Variants in TXNRD1 observed in about 807,000 individuals in gnomAD.
The protein encoded by TXNRD1 is thioredoxin reductase 1.
Under a neutral mutation model 80.3 loss-of-function variants are expected in TXNRD1, and 57 were observed. The ratio of observed to expected loss-of-function variants is 0.71; its 90% CI spans 0.57 to 0.89. TXNRD1 has a LOEUF of 0.89. Ranked by LOEUF, TXNRD1 falls within the 40% of genes least tolerant of loss-of-function variation. The pLI, the probability that TXNRD1 is intolerant of heterozygous loss-of-function variation, is 0.00. For synonymous variants in TXNRD1, 291 were observed against 285.2 expected, an observed-to-expected ratio of 1.02 and a Z score of -0.20; for missense variants, 730 against 803.0, an observed-to-expected ratio of 0.91 and a Z score of 1.10.
chr12:104,270,276 T>C (rs1170750782), intron 3 of TXNRD1, among the ~76,000 whole-genome samples: 1 of 152,206 alleles, frequency 6.6e-6, no homozygotes. Context: ...GCTATAGCCT[T>C]ATAAAATATA....
chr12:104,264,562 A>C (rs917792575), intron 3 of TXNRD1, among the ~76,000 whole-genome samples: 4 of 152,228 alleles, frequency 2.6e-5, no homozygotes, highest in African/African-American at 4.8e-5. Context: ...AAATACAAAA[A>C]ATCACATATA....
chr12:104,254,073 G>A (rs2033187304), intron 2 of TXNRD1, among the ~76,000 whole-genome samples: 1 of 152,166 alleles, frequency 6.6e-6, no homozygotes, highest in African/African-American at 2.4e-5. Flanking sequence ...GGACTCTAAA[G>A]TCAGAGTGTG....
intron 4 of TXNRD1, among the ~76,000 whole-genome samples, chr12:104,307,831 A>G (rs1178412097): frequency 6.6e-6 from 1 of 152,194 alleles, no homozygotes; most frequent in Non-Finnish European, 1.5e-5. Context: ...AGGCAGGTGG[A>G]TGAAAAGGAA....
intron 4 of TXNRD1, among the ~76,000 whole-genome samples, chr12:104,308,238 A>G (rs1395918574): frequency 6.6e-6 from 1 of 151,594 alleles, no homozygotes; most frequent in African/African-American, 2.4e-5. Flanking sequence ...CTCATGATCC[A>G]CCCGCCTTGG....
intron 15 of TXNRD1, among the ~76,000 whole-genome samples, chr12:104,336,637 T>G (rs1334376986): frequency 6.6e-6 from 1 of 152,190 alleles, no homozygotes; most frequent in Non-Finnish European, 1.5e-5. Flanking sequence ...AATGTTAACA[T>G]TTTTGCTGTA....
intron 16 of TXNRD1, among the ~76,000 whole-genome samples, chr12:104,343,513 T>A (rs1241441876): frequency 6.6e-6 from 1 of 152,026 alleles, no homozygotes; most frequent in Non-Finnish European, 1.5e-5. Flanking sequence ...TTAAATAAAG[T>A]AAGAGGCCAG....
At chr12:104,254,622 T>A (rs1292011095) in intron 2 of TXNRD1, among the ~76,000 whole-genome samples, 6 of 20,488 alleles carry the variant, frequency 2.9e-4, no homozygotes, top group African/African-American at 4.7e-4. Context: ...CAAGACTCTA[T>A]GTCTATGGAA....
intron 4 of TXNRD1, among the ~76,000 whole-genome samples, chr12:104,295,841 C>A (rs889013831): frequency 2.0e-5 from 3 of 152,184 alleles, no homozygotes; most frequent in Admixed American, 2.0e-4. Context: ...TAGTCTTATT[C>A]TTTATGCCTG....
chr12:104,326,466 T>C, intron 12 of TXNRD1, 43 bp downstream of exon 12: 1 of 1,247,650 alleles, frequency 8.0e-7, no homozygotes, highest in South Asian at 1.4e-5. Context: ...TGGGATTTTT[T>C]TTTTTTTTTT....
At chr12:104,314,111 A>AAT (rs2035232427) in intron 6 of TXNRD1, among the ~76,000 whole-genome samples, 3 of 152,118 alleles carry the variant, frequency 2.0e-5, no homozygotes, top group Admixed American at 2.0e-4. Context: ...TGGCATGGAT[A>AAT]ATGGGAGCTG....
At chr12:104,311,718 C>T (rs1442019481) in intron 5 of TXNRD1, among the ~76,000 whole-genome samples, 5 of 152,116 alleles carry the variant, frequency 3.3e-5, no homozygotes, top group South Asian at 2.1e-4. Context: ...TGGTGACTCA[C>T]GCCTGTAATC....
intron 4 of TXNRD1, chr12:104,291,101 T>C (rs761011154): frequency 4.5e-6 from 3 of 667,220 alleles, no homozygotes; most frequent in South Asian, 3.3e-5. Context: ...CGACATTTAG[T>C]GAGGTATAGT....
chr12:104,227,681 G>A (rs1445053153), intron 1 of TXNRD1, among the ~76,000 whole-genome samples: 1 of 152,090 alleles, frequency 6.6e-6, no homozygotes, highest in Non-Finnish European at 1.5e-5. Context: ...AGCCTCCCCA[G>A]TTGATTAGGA....
intron 4 of TXNRD1, among the ~76,000 whole-genome samples, chr12:104,292,370 T>C (rs78223669): frequency 2.7e-3 from 400 of 150,736 alleles, no homozygotes; most frequent in African/African-American, 9.5e-3. Context: ...GGGAAAGAGC[T>C]AGGAATCTAC....
chr12:104,254,630 G>GAAAAAAAA lies in TXNRD1; in HGVS notation c.243+2960_243+2967dup, dbSNP rs760022093. ...AGCATAACAAGACTCTATGTCTATG[G>GAAAAAAAA]AAAAAAAAAAAAAAATATATATATA... On this transcript the variant is annotated intron_variant, in intron 2 of 16. Transcript: ENST00000525566. Among the ~76,000 whole-genome samples the GAAAAAAAA allele has an allele frequency of 5.9e-3, 102 of 17,286 alleles. 2 individuals are homozygous for GAAAAAAAA. Among genetic ancestry groups the GAAAAAAAA allele is most frequent in the Non-Finnish European group, 7.4e-3 (70 of 9,496 alleles). 11.3% of individuals were successfully genotyped at this position (17,286 alleles called of 152,430 possible).
intron 1 of TXNRD1, among the ~76,000 whole-genome samples, chr12:104,248,600 T>C (rs2033043083): frequency 1.3e-5 from 2 of 152,230 alleles, no homozygotes; most frequent in East Asian, 3.9e-4. Flanking sequence ...CACACAAATA[T>C]GCATGCTTAG....
chr12:104,331,527 TA>T lies in TXNRD1; in HGVS notation c.1543-4del, dbSNP rs2035946367. 6.3e-7 allele frequency: 1 copy of T among 1,590,152 alleles called. No individual in the cohort carries two copies. Among genetic ancestry groups the T allele is most frequent in the Non-Finnish European group, 8.6e-7 (1 of 1,164,464 alleles). On this transcript the variant is annotated splice_region_variant and splice_polypyrimidine_tract_variant and intron_variant, in intron 13 of 16. Transcript: ENST00000525566. ...TATTATAACTCCTTACCTCCATTTT[TA>T]AACAGTGTGACTATGAAAATGTTCC...
intron 13 of TXNRD1, among the ~76,000 whole-genome samples, chr12:104,329,547 G>A (rs1370528213): frequency 1.3e-5 from 2 of 151,998 alleles, no homozygotes; most frequent in East Asian, 3.9e-4. Context: ...TACACAGAGC[G>A]CTGAGGTGGA....
At chr12:104,231,167 C>T (rs1390542234) in intron 1 of TXNRD1, among the ~76,000 whole-genome samples, 1 of 152,174 alleles carries the variant, frequency 6.6e-6, no homozygotes, top group African/African-American at 2.4e-5. Flanking sequence ...TCCTGTCTCT[C>T]TGCCTAAAAT....
Sources: gnomAD v4.1 joint callset for allele counts (sites outside exome capture counted in the v4.1 genomes callset) on GRCh38, gnomAD v4.1.1 for gene constraint, MANE v1.5 for transcripts, NCBI Gene and HGNC (gene_info 2026-07-23, HGNC 2026-07-21) for gene names.